The following PPA2 variants were observed in gnomAD, a reference collection of about 807,000 sequenced individuals.
PPA2 encodes inorganic pyrophosphatase 2, mitochondrial.
In PPA2, 48 loss-of-function variants were observed where a neutral mutation model predicts 49.5. The observed-to-expected ratio is 0.97, with a 90% CI of 0.77 to 1.23. The LOEUF is 1.23. Ranked by LOEUF, PPA2 falls within the 50% of genes most tolerant of loss-of-function variation. The pLI is 0.00. For synonymous variants in PPA2, 131 were observed against 139.9 expected (o/e 0.94, Z 0.45); for missense variants, 429 against 410.1 (o/e 1.05, Z -0.40).
At chr4:105,404,398 T>G (rs1463870852) in intron 7 of PPA2, among the ~76,000 whole-genome samples, 1 of 152,032 alleles carries the variant, frequency 6.6e-6, no homozygotes, top group African/African-American at 2.4e-5. Flanking sequence ...TCTTACTAAA[T>G]AAATAACTTT....
chr4:105,456,350 T>A, intron 2 of PPA2: 1 of 432,430 alleles, frequency 2.3e-6, no homozygotes, highest in South Asian at 1.7e-5. Flanking sequence ...ACATAGTGGC[T>A]AGCAAATAAA....
chr4:105,371,630 C>A lies in PPA2; in HGVS notation c.940-757G>T, dbSNP rs1435719806. ...CAAATTTAATAATTAACTTCTAATTCTCTGAATTTGCTGACCTTCAATAGA... is the reference window on the plus strand; with the variant it reads ...CAAATTTAATAATTAACTTCTAATTATCTGAATTTGCTGACCTTCAATAGA... On this transcript the variant is annotated intron_variant, in intron 10 of 11. Transcript: ENST00000341695. Among the ~76,000 whole-genome samples, 4 of 152,236 alleles carry A rather than the reference C, an allele frequency of 2.6e-5. No homozygotes were observed. The South Asian group carries it at 6.2e-4, about 24-fold the overall frequency.
chr4:105,430,705 G>A (rs1723758327), intron 6 of PPA2, among the ~76,000 whole-genome samples: 1 of 152,180 alleles, frequency 6.6e-6, no homozygotes, highest in South Asian at 2.1e-4. Context: ...CTATAGATAT[G>A]AGGTAATTTG....
chr4:105,473,558 A>C, intron 1 of PPA2: 13 of 511,108 alleles, frequency 2.5e-5, no homozygotes, highest in East Asian at 9.8e-5. Context: ...CGGGCCGGCT[A>C]ATGGCTGCAG....
At chr4:105,438,399 A>G (rs1724170800) in intron 5 of PPA2, among the ~76,000 whole-genome samples, 1 of 152,180 alleles carries the variant, frequency 6.6e-6, no homozygotes, top group African/African-American at 2.4e-5. Flanking sequence ...GACTGCCTCA[A>G]CTGTGGCTTC....
At chr4:105,405,366 T>C (rs1001260034) in intron 7 of PPA2, 18 of 766,656 alleles carry the variant, frequency 2.3e-5, no homozygotes, top group Admixed American at 6.3e-5. Flanking sequence ...CTAAATGAAT[T>C]TGTAATTAAT....
chr4:105,401,118 A>G (rs1347699948), intron 7 of PPA2, among the ~76,000 whole-genome samples: 2 of 152,182 alleles, frequency 1.3e-5, no homozygotes, highest in Non-Finnish European at 2.9e-5. Flanking sequence ...AGTTCCAGCT[A>G]AAGTGTATAA....
intron 2 of PPA2, 50 bp from the exon 3 acceptor site, chr4:105,453,692 A>G: frequency 2.2e-6 from 3 of 1,392,732 alleles, no homozygotes; most frequent in Non-Finnish European, 2.0e-6. Context: ...GAAAGTATAC[A>G]GTGGCACTGC....
intron 7 of PPA2, among the ~76,000 whole-genome samples, chr4:105,411,996 G>T (rs1452960360): frequency 6.6e-6 from 1 of 152,176 alleles, no homozygotes; most frequent in Non-Finnish European, 1.5e-5. Flanking sequence ...AATCAGTATT[G>T]TGAAAATGGC....
intron 7 of PPA2, among the ~76,000 whole-genome samples, chr4:105,417,502 G>T (rs936970000): frequency 2.7e-5 from 4 of 150,534 alleles, no homozygotes; most frequent in African/African-American, 9.8e-5. Flanking sequence ...ACAAAAAGAG[G>T]ATTTTAGAAT....
In PPA2 at chr4:105,369,648, C is replaced by T. The variant is rs943150844; in HGVS notation, c.*77G>A. On this transcript the variant is annotated 3_prime_UTR_variant, in exon 12 of 12. Coordinates refer to ENST00000341695, the MANE Select transcript of PPA2 (RefSeq NM_176869.3). ...AGTTTTAACAGGAAGTCAGTAAATG[C>T]TCATAGACCCCCTTGTCTCTAGCAC... 1 of 1,029,660 alleles carries T rather than the reference C, an allele frequency of 9.7e-7. No homozygotes were observed. Among genetic ancestry groups the T allele is most frequent in the Non-Finnish European group, 1.4e-6 (1 of 716,794 alleles). 63.8% of individuals were successfully genotyped at this position (1,029,660 alleles called of 1,614,324 possible). A position where few individuals can be genotyped will look rare whatever the true frequency, so the allele number is the denominator to read the frequency against.
At chr4:105,463,763 G>A (rs566812226) in intron 1 of PPA2, among the ~76,000 whole-genome samples, 85 of 152,342 alleles carry the variant, frequency 5.6e-4, no homozygotes, top group African/African-American at 2.0e-3. Flanking sequence ...GCTTCAGCGG[G>A]TGGAAGCCCC....
At chr4:105,395,591 C>T (rs905821952) in intron 9 of PPA2, among the ~76,000 whole-genome samples, 2 of 152,006 alleles carry the variant, frequency 1.3e-5, no homozygotes, top group African/African-American at 4.8e-5. Flanking sequence ...TACTGAGGCC[C>T]TAAAAAGCCT....
At chr4:105,380,253 A>G (rs1733433936) in intron 10 of PPA2, among the ~76,000 whole-genome samples, 1 of 152,152 alleles carries the variant, frequency 6.6e-6, no homozygotes, top group African/African-American at 2.4e-5. Flanking sequence ...GCATCTGTCA[A>G]TTTCATGCAA....
At chr4:105,470,428 G>GT (rs1243567128) in intron 1 of PPA2, among the ~76,000 whole-genome samples, 5 of 152,188 alleles carry the variant, frequency 3.3e-5, no homozygotes, top group South Asian at 2.1e-4. Context: ...CAAGGCTGCT[G>GT]TGAGTCGTGA....
At position 105,386,645 on chromosome 4, in the gene PPA2, G is replaced by T; in HGVS notation, c.870-9C>A. On this transcript the variant is annotated splice_polypyrimidine_tract_variant and intron_variant, in intron 9 of 11. Transcript: ENST00000341695. ...ATATCTGCACGTTTGTGCTGGAGAG[G>T]AAAAGAGAATGTTATTATTAAACAG... The T allele has an allele frequency of 6.2e-7, 1 of 1,609,190 alleles. No individual in the cohort carries two copies. The highest frequency in any genetic ancestry group is 1.1e-5 in the South Asian group (1 of 90,736).
chr4:105,452,677 G>T lies in PPA2; in HGVS notation c.267+921C>A, dbSNP rs529666504. Among the ~76,000 whole-genome samples, 8 of 152,188 alleles carry T rather than the reference G, an allele frequency of 5.3e-5. No homozygotes were observed. The East Asian group carries it at 1.5e-3, about 29-fold the overall frequency. ...AGCTGTAAGTTTCAGTTGGGGTAGA[G>T]AATAAATGGAAATGAAGCTGGAAAG... On this transcript the variant is annotated intron_variant, in intron 3 of 11. Transcript: ENST00000341695.
At chr4:105,449,501 G>A (rs1398882438) in intron 3 of PPA2, 98 bp from the exon 4 acceptor site, 6 of 679,882 alleles carry the variant, frequency 8.8e-6, no homozygotes, top group Admixed American at 3.2e-5. Flanking sequence ...GTTTTCCCCC[G>A]ACAAAAAAAA....
Position 105,446,414 on chromosome 4 carries a change from C to T in PPA2, c.410G>A (p.Gly137Asp), listed in dbSNP as rs771303141. ...GAGGGTACCATAATTCCATATATAA[C>T]CCTTGTAAGGGAAGATATTCGCCAC... is the stretch of plus-strand genomic sequence containing the variant. The part of the protein sequence containing the change: ...RYVANIFPYK[G>D]YIWNYGTLPQ... The change falls in exon 5 of 12, where the codon GGT becomes GAT. Residue 137 changes from glycine (G) to aspartate (D), a missense_variant. Gly to Asp is a moderately conservative substitution (Grantham distance 94). Transcript: ENST00000341695. 3.1e-6 allele frequency: 5 copies of T among 1,603,648 alleles called. No individual in the cohort carries two copies. Among genetic ancestry groups the T allele is most frequent in the East Asian group, 2.3e-5 (1 of 44,216 alleles).
Sources: gnomAD v4.1 joint callset for allele counts (sites outside exome capture counted in the v4.1 genomes callset) on GRCh38, gnomAD v4.1.1 for gene constraint, MANE v1.5 for transcripts, NCBI Gene and HGNC (gene_info 2026-07-23, HGNC 2026-07-21) for gene names.